The following CDC73 variants were observed in gnomAD, a reference collection of about 807,000 sequenced individuals.
CDC73 encodes cell division cycle 73, also known as parafibromin.
A neutral mutation model predicts 83.7 loss-of-function variants in CDC73; 21 were observed. That is an observed-to-expected ratio of 0.25 (90% CI 0.18 to 0.36). The LOEUF (loss-of-function observed/expected upper bound fraction) is 0.36. Ranked by LOEUF, CDC73 falls within the 10% of genes least tolerant of loss-of-function variation. The pLI is 1.00. For synonymous variants in CDC73, 224 were observed against 212.9 expected (o/e 1.05, Z -0.45); for missense variants, 342 against 653.3 (o/e 0.52, Z 5.19).
chr1:193,138,019 G>A, intron 5 of CDC73, 66 bp from the exon 6 acceptor site: 1 of 1,154,596 alleles, frequency 8.7e-7, no homozygotes, highest in Non-Finnish European at 1.3e-6. Flanking sequence ...AAAGTTACAT[G>A]TAGCGTTTTT....
chr1:193,152,892 G>A (rs1373084071), intron 10 of CDC73, among the ~76,000 whole-genome samples: 1 of 152,080 alleles, frequency 6.6e-6, no homozygotes, highest in Non-Finnish European at 1.5e-5. Flanking sequence ...CCATTCTCCT[G>A]CCTCAGCCTC....
chr1:193,200,828 T>C (rs912838502), intron 10 of CDC73, among the ~76,000 whole-genome samples: 2 of 152,174 alleles, frequency 1.3e-5, no homozygotes, highest in African/African-American at 4.8e-5. Flanking sequence ...TCTTCATCTT[T>C]AGGGTGGAGG....
rs758636839 is a variant in CDC73, at chr1:193,144,388, TATTG to T, written c.729+2326_729+2329del. On this transcript the variant is annotated intron_variant, in intron 7 of 16. Coordinates refer to ENST00000367435, the MANE Select transcript of CDC73 (RefSeq NM_024529.5). Reference sequence around the variant, plus strand: ...CTGCTGCATAGTAGATTGATGATAATATTGATTAATTCTTCTTTATTTTTAAAGT... The same window carrying T: ...CTGCTGCATAGTAGATTGATGATAATATTAATTCTTCTTTATTTTTAAAGT... 1.2e-3 allele frequency among the ~76,000 whole-genome samples: 187 copies of T among 152,276 alleles called. 2 individuals are homozygous for T. The highest frequency in any genetic ancestry group is 3.5e-3 in the Admixed American group (53 of 15,292).
In CDC73 at chr1:193,125,179, G is replaced by A. The variant is rs748952219; in HGVS notation, c.199G>A (p.Val67Met). 2 of 1,608,736 alleles carry A rather than the reference G, an allele frequency of 1.2e-6. No homozygotes were observed. The highest frequency in any genetic ancestry group is 1.3e-5 in the African/African-American group (1 of 74,816). The change falls in exon 2 of 17, where the codon GTG becomes ATG. Residue 67 changes from valine to methionine, a missense_variant. Transcript: ENST00000367435. The stretch of plus-strand genomic sequence containing the variant: ...TTCCATTTTATTTCTACTTAATAAC[G>A]TGCACCTTTCTCATCCTGTTTATGT... The part of the protein sequence containing the change: ...LDSILFLLNN[V>M]HLSHPVYVRR...
At chr1:193,244,303 A>G (rs764050853) in intron 15 of CDC73, among the ~76,000 whole-genome samples, 29 of 152,246 alleles carry the variant, frequency 1.9e-4, no homozygotes, top group Non-Finnish European at 3.5e-4. Flanking sequence ...AAAAATGGCA[A>G]TCATATAATT....
chr1:193,245,149 T>G (rs992064476), intron 15 of CDC73, among the ~76,000 whole-genome samples: 1 of 152,230 alleles, frequency 6.6e-6, no homozygotes, highest in Non-Finnish European at 1.5e-5. Flanking sequence ...GTTTTGGGAA[T>G]AGTCAGTTTC....
At chr1:193,143,358 C>T (rs993754293) in intron 7 of CDC73, among the ~76,000 whole-genome samples, 1 of 152,048 alleles carries the variant, frequency 6.6e-6, no homozygotes, top group African/African-American at 2.4e-5. Flanking sequence ...CGTTGATCCA[C>T]CAGTGTTCAT....
intron 10 of CDC73, among the ~76,000 whole-genome samples, chr1:193,197,453 A>G (rs563587075): frequency 6.6e-5 from 10 of 152,360 alleles, no homozygotes; most frequent in African/African-American, 9.6e-5. Flanking sequence ...ACAGAAACAC[A>G]TATGCATATT....
chr1:193,170,958 C>T (rs938540026), intron 10 of CDC73, among the ~76,000 whole-genome samples: 2 of 152,174 alleles, frequency 1.3e-5, no homozygotes, highest in African/African-American at 4.8e-5. Flanking sequence ...GTTAAGTCTG[C>T]ACAGGTTATC....
rs557700947 is a variant in CDC73, at chr1:193,184,790, G to A, written c.973-19005G>A. ...GTCTTTATTAGAATAAAAATTCATG[G>A]GTGAGAGTGATGTTGAGGTGTAATA... On this transcript the variant is annotated intron_variant, in intron 10 of 16. Coordinates refer to ENST00000367435, the MANE Select transcript of CDC73 (RefSeq NM_024529.5). 3.3e-5 allele frequency among the ~76,000 whole-genome samples: 5 copies of A among 151,884 alleles called. No individual in the cohort carries two copies. In the South Asian group the frequency reaches 1.0e-3, roughly 32 times the overall value.
rs1277215103 is a variant in CDC73 at position 193,161,703 on chromosome 1, T to C, written c.972+9259T>C. Among the ~76,000 whole-genome samples the C allele has an allele frequency of 7.1e-5, 3 of 41,960 alleles. 1 individual carries two copies. Among genetic ancestry groups the C allele is most frequent in the Non-Finnish European group, 1.4e-4 (3 of 21,792 alleles). 27.5% of individuals were successfully genotyped at this position (41,960 alleles called of 152,430 possible). The stretch of plus-strand genomic sequence containing the variant: ...TATATATAATATATAATATATTATA[T>C]ATCTATCATATAATATAATATATAT... On this transcript the variant is annotated intron_variant, in intron 10 of 16. Coordinates refer to ENST00000367435, the MANE Select transcript of CDC73 (RefSeq NM_024529.5).
At chr1:193,246,922 A>G (rs1450003316) in intron 15 of CDC73, among the ~76,000 whole-genome samples, 1 of 152,038 alleles carries the variant, frequency 6.6e-6, no homozygotes, top group Non-Finnish European at 1.5e-5. Flanking sequence ...AGACTAATCC[A>G]TTTTCTCTTT....
chr1:193,199,292 A>G (rs913445649), intron 10 of CDC73, among the ~76,000 whole-genome samples: 2 of 152,136 alleles, frequency 1.3e-5, no homozygotes, highest in Non-Finnish European at 1.5e-5. Context: ...CTAGCTGGAC[A>G]TGGTGGCTCT....
At chr1:193,141,667 G>A (rs531835113) in intron 6 of CDC73, among the ~76,000 whole-genome samples, 183 bp from the exon 7 acceptor site, 4 of 152,178 alleles carry the variant, frequency 2.6e-5, no homozygotes, top group South Asian at 2.1e-4. Context: ...GTAATATCTC[G>A]ACATGAATTC....
intron 11 of CDC73, among the ~76,000 whole-genome samples, chr1:193,210,032 T>C (rs1677250541): frequency 6.6e-6 from 1 of 152,196 alleles, no homozygotes; most frequent in Non-Finnish European, 1.5e-5. Flanking sequence ...CACATGACAC[T>C]ATGTAGCCAA....
At chr1:193,235,515 T>C (rs1677741900) in intron 14 of CDC73, among the ~76,000 whole-genome samples, 2 of 152,234 alleles carry the variant, frequency 1.3e-5, no homozygotes, top group African/African-American at 2.4e-5. Flanking sequence ...GCTTTAGTTA[T>C]TGGCTTTAAC....
chr1:193,160,846 G>T (rs1378848604), intron 10 of CDC73, among the ~76,000 whole-genome samples: 2 of 151,982 alleles, frequency 1.3e-5, no homozygotes, highest in Non-Finnish European at 2.9e-5. Flanking sequence ...ATATTTGGGT[G>T]TTTGGGTATG....
intron 1 of CDC73, among the ~76,000 whole-genome samples, chr1:193,124,258 TACTC>T (rs1265865407): frequency 1.3e-5 from 2 of 152,260 alleles, no homozygotes; most frequent in Non-Finnish European, 2.9e-5. Flanking sequence ...AAACAATACT[TACTC>T]TTCTTATTGT....
chr1:193,135,726 GATTA>G (rs1435812172), intron 5 of CDC73, 137 bp downstream of exon 5: 1 of 670,380 alleles, frequency 1.5e-6, no homozygotes, highest in African/African-American at 1.8e-5. Flanking sequence ...AAGAACAATT[GATTA>G]ATAAGTAGCT....
Sources: gnomAD v4.1 joint callset for allele counts (sites outside exome capture counted in the v4.1 genomes callset) on GRCh38, gnomAD v4.1.1 for gene constraint, MANE v1.5 for transcripts, NCBI Gene and HGNC (gene_info 2026-07-23, HGNC 2026-07-21) for gene names.